The following AACS variants were observed in gnomAD, a reference collection of about 807,000 sequenced individuals.
AACS encodes acetoacetyl-CoA synthetase.
A neutral mutation model predicts 83.1 loss-of-function variants in AACS; 69 were observed. The observed-to-expected ratio is 0.83, with a 90% CI of 0.68 to 1.01. The LOEUF (loss-of-function observed/expected upper bound fraction) is 1.01, where lower values mean the gene tolerates loss of function less well. Among genes scored for constraint, AACS ranks in the 50% least tolerant of loss-of-function variants. AACS has a pLI of 0.00. For missense variants in AACS, 866 were observed against 882.2 expected, an observed-to-expected ratio of 0.98 and a Z score of 0.23; for synonymous variants, 333 against 343.4, an observed-to-expected ratio of 0.97 and a Z score of 0.33.
chr12:125,135,387 G>A (rs1425749698), intron 16 of AACS, among the ~76,000 whole-genome samples: 2 of 152,064 alleles, frequency 1.3e-5, no homozygotes, highest in Admixed American at 6.6e-5. Flanking sequence ...GAGCCACCAC[G>A]CCCGGCCAAC....
rs180822202 is a variant in AACS at position 125,082,429 on chromosome 12, G to C, written c.359-3901G>C. Among the ~76,000 whole-genome samples, 1,502 of 151,148 alleles carry C rather than the reference G, an allele frequency of 9.9e-3. 12 individuals are homozygous for C. The highest frequency in any genetic ancestry group is 0.048 in the Middle Eastern group (14 of 294). On this transcript the variant is annotated intron_variant, in intron 3 of 17. Transcript: ENST00000316519. ...GGGCTCAAGTGATCCTCCCATCTCA[G>C]CCTCCCAAAGTGCTGGGATTACAGG...
At chr12:125,099,456 A>G (rs1462129166) in intron 5 of AACS, among the ~76,000 whole-genome samples, 1 of 152,214 alleles carries the variant, frequency 6.6e-6, no homozygotes, top group Admixed American at 6.5e-5. Context: ...AAATCTATTA[A>G]ACATTGTTTT....
Position 125,090,723 on chromosome 12 carries a change from TCATC to T in AACS, c.473-686_473-683del, listed in dbSNP as rs113268265. On this transcript the variant is annotated intron_variant, in intron 4 of 17. Transcript: ENST00000316519. ...TCCTCCATTCATCATTCCTCATCCATCATCCATCCATCCATCCATCTGCCAGCCG... is the reference window on the plus strand; with the variant it reads ...TCCTCCATTCATCATTCCTCATCCATCATCCATCCATCCATCTGCCAGCCG... Among the ~76,000 whole-genome samples the T allele has an allele frequency of 1.4e-3, 204 of 142,588 alleles. 4 individuals carry two copies. The East Asian group carries it at 0.02, about 14-fold the overall frequency. 93.5% of individuals were successfully genotyped at this position (142,588 alleles called of 152,430 possible). A position where few individuals can be genotyped will look rare whatever the true frequency, so the allele number is the denominator to read the frequency against.
chr12:125,127,529 C>T (rs1280770738), intron 12 of AACS: 1 of 152,262 alleles, frequency 6.6e-6, no homozygotes, highest in Non-Finnish European at 1.5e-5. Context: ...GCAACCTCCG[C>T]CTCCTGGGTT....
chr12:125,102,635 T>C (rs1956737832), intron 5 of AACS, 44 bp from the exon 6 acceptor site: 1 of 1,575,020 alleles, frequency 6.3e-7, no homozygotes, highest in Non-Finnish European at 8.7e-7. Flanking sequence ...TGCTGGTTTT[T>C]GCCTTTTGGA....
intron 3 of AACS, among the ~76,000 whole-genome samples, chr12:125,082,754 G>C (rs1459665056): frequency 3.9e-5 from 6 of 152,128 alleles, no homozygotes; most frequent in Non-Finnish European, 7.4e-5. Flanking sequence ...CTGGGAGGCG[G>C]AGGTTGCAGT....
At chr12:125,069,033 G>A (rs1051870844) in intron 1 of AACS, among the ~76,000 whole-genome samples, 10 of 152,030 alleles carry the variant, frequency 6.6e-5, no homozygotes, top group African/African-American at 1.9e-4. Flanking sequence ...GTAGACACGG[G>A]GGTTTCACCA....
Position 125,118,653 on chromosome 12 carries a change from A to T in AACS, c.1009A>T (p.Met337Leu). Residue 337 changes from methionine to leucine, a missense_variant, in exon 10 of 18, where the codon ATG becomes TTG. Transcript: ENST00000316519. ...CCTGTCTTTGCAGGTCGGCTGGATGATGTGGAACTGGATGGTGTCCCTTCT... is the reference window on the plus strand; with the variant it reads ...CCTGTCTTTGCAGGTCGGCTGGATGTTGTGGAACTGGATGGTGTCCCTTCT... ...LLCYTTVGWM[M>L]WNWMVSLLAT... 6.2e-7 allele frequency: 1 copy of T among 1,614,106 alleles called. No individual in the cohort carries two copies. The highest frequency in any genetic ancestry group is 1.1e-5 in the South Asian group (1 of 91,070).
rs1956030247 is a variant in AACS at position 125,076,615 on chromosome 12, A to T, written c.358+4A>T. On this transcript the variant is annotated splice_donor_region_variant and intron_variant, in intron 3 of 17. Coordinates refer to ENST00000316519, the MANE Select transcript of AACS (RefSeq NM_023928.5). ...AGAGTTGCCCTTTACATTGCAAGTA[A>T]GTCCTGATGGCGAGACCTGGGATTT... The T allele has an allele frequency of 6.2e-7, 1 of 1,613,844 alleles. No homozygotes were observed. The highest frequency in any genetic ancestry group is 8.5e-7 in the Non-Finnish European group (1 of 1,179,912).
At chr12:125,070,553 G>A (rs572579579) in intron 1 of AACS, among the ~76,000 whole-genome samples, 13 of 152,170 alleles carry the variant, frequency 8.5e-5, no homozygotes, top group Non-Finnish European at 1.8e-4. Flanking sequence ...AAGATTTGAA[G>A]GTGTGGGCTG....
chr12:125,134,414 C>G (rs1234580930), intron 15 of AACS, among the ~76,000 whole-genome samples: 7 of 152,214 alleles, frequency 4.6e-5, no homozygotes, highest in Admixed American at 4.6e-4. Context: ...TGGCGCATCC[C>G]TGTGCCAGCT....
At chr12:125,102,579 C>G in intron 5 of AACS, 100 bp from the exon 6 acceptor site, 1 of 980,816 alleles carries the variant, frequency 1.0e-6, no homozygotes. Context: ...ATCCTCCCAC[C>G]TCAGCCTCCA....
chr12:125,077,019 C>T (rs966693763), intron 3 of AACS, among the ~76,000 whole-genome samples: 5 of 151,950 alleles, frequency 3.3e-5, no homozygotes, highest in Non-Finnish European at 7.4e-5. Flanking sequence ...GCAATCCTCC[C>T]ACCTCAGCTT....
At chr12:125,107,388 A>G in intron 8 of AACS, 120 bp downstream of exon 8, 1 of 1,330,782 alleles carries the variant, frequency 7.5e-7, no homozygotes, top group Non-Finnish European at 1.0e-6. Context: ...GGAGAGTCCA[A>G]CGTGCAGCTT....
At chr12:125,077,597 A>G (rs1956057264) in intron 3 of AACS, among the ~76,000 whole-genome samples, 1 of 152,150 alleles carries the variant, frequency 6.6e-6, no homozygotes, top group African/African-American at 2.4e-5. Context: ...AGACTCAGAG[A>G]TAAACTGAAG....
Position 125,134,081 on chromosome 12 carries a change from T to G in AACS, c.1619+9T>G. 2.5e-6 allele frequency: 4 copies of G among 1,613,350 alleles called. No individual in the cohort carries two copies. The highest frequency in any genetic ancestry group is 3.4e-6 in the Non-Finnish European group (4 of 1,179,746). On this transcript the variant is annotated intron_variant, in intron 15 of 17. Coordinates refer to ENST00000316519, the MANE Select transcript of AACS (RefSeq NM_023928.5). ...GTCATGCTTGGCCGGAGGTAAGGGC[T>G]GCAGAGTCGGCTTCTCTTTCCTGGA... is the stretch of plus-strand genomic sequence containing the variant.
At chr12:125,078,918 T>G (rs1189242545) in intron 3 of AACS, among the ~76,000 whole-genome samples, 1 of 151,272 alleles carries the variant, frequency 6.6e-6, no homozygotes, top group Non-Finnish European at 1.5e-5. Flanking sequence ...CGTGGTGGTT[T>G]AACAATAAGT....
chr12:125,075,741 A>C (rs1956006671), intron 2 of AACS, among the ~76,000 whole-genome samples: 1 of 151,494 alleles, frequency 6.6e-6, no homozygotes. Flanking sequence ...CTACAGGCGC[A>C]CGCTGGCATG....
chr12:125,078,484 C>T (rs745374357), intron 3 of AACS: 33 of 373,854 alleles, frequency 8.8e-5, no homozygotes, highest in Non-Finnish European at 1.5e-4. Context: ...CTTTGCATGC[C>T]CACCTGTCTG....
Sources: gnomAD v4.1 joint callset for allele counts (sites outside exome capture counted in the v4.1 genomes callset) on GRCh38, gnomAD v4.1.1 for gene constraint, MANE v1.5 for transcripts, NCBI Gene and HGNC (gene_info 2026-07-23, HGNC 2026-07-21) for gene names.